The following DAAM2 variants were observed in gnomAD, a reference collection of about 807,000 sequenced individuals.
DAAM2 encodes dishevelled associated activator of morphogenesis 2, also known as disheveled-associated activator of morphogenesis 2.
A neutral mutation model predicts 120.7 loss-of-function variants in DAAM2; 39 were observed. That is an observed-to-expected ratio of 0.32 (90% confidence interval 0.25 to 0.42). The LOEUF is 0.42. Among genes scored for constraint, DAAM2 ranks in the 10% least tolerant of loss-of-function variants. DAAM2 has a pLI of 1.00. For synonymous variants in DAAM2, 488 were observed against 524.9 expected (o/e 0.93, Z 0.96); for missense variants, 1,283 against 1,401.7 (o/e 0.92, Z 1.35).
intron 5 of DAAM2, among the ~76,000 whole-genome samples, chr6:39,865,985 C>T (rs1764413985): frequency 1.3e-5 from 2 of 152,184 alleles, no homozygotes; most frequent in South Asian, 2.1e-4. Context: ...ATGCTGGGAG[C>T]ATTTACACCA....
At chr6:39,831,164 G>A (rs1056147946) in intron 1 of DAAM2, among the ~76,000 whole-genome samples, 2 of 152,152 alleles carry the variant, frequency 1.3e-5, no homozygotes, top group Non-Finnish European at 2.9e-5. Context: ...TGCGGATACA[G>A]CAATGAATGA....
intron 1 of DAAM2, chr6:39,820,477 C>T (rs1762453110): frequency 6.6e-6 from 1 of 152,200 alleles, no homozygotes; most frequent in Non-Finnish European, 1.5e-5. Context: ...TCTCCTTCCT[C>T]TTAGAGCTTC....
chr6:39,890,367 T>C (rs541883954), intron 17 of DAAM2, among the ~76,000 whole-genome samples: 1 of 152,290 alleles, frequency 6.6e-6, no homozygotes, highest in East Asian at 1.9e-4. Context: ...TTCCCCGAAC[T>C]GTGAACAACC....
At chr6:39,860,249 G>A (rs1396848976) in intron 2 of DAAM2, among the ~76,000 whole-genome samples, 2 of 152,180 alleles carry the variant, frequency 1.3e-5, no homozygotes, top group South Asian at 2.1e-4. Context: ...ATGGAGCCCC[G>A]TGCCTTCTCT....
At position 39,842,207 on chromosome 6, in the gene DAAM2, G is replaced by A. The variant is rs560793726; in HGVS notation, c.-56-14040G>A. Reference sequence around the variant, plus strand: ...TTCTCCACTCTGCCTCTCCCCACACGCTGCTGTTAGATGTCGTTCCTTTAG... The same window carrying A: ...TTCTCCACTCTGCCTCTCCCCACACACTGCTGTTAGATGTCGTTCCTTTAG... On this transcript the variant is annotated intron_variant, in intron 1 of 24. Coordinates refer to ENST00000274867, the MANE Select transcript of DAAM2 (RefSeq NM_001201427.2). Among the ~76,000 whole-genome samples, 11 of 152,270 alleles carry A rather than the reference G, an allele frequency of 7.2e-5. No individual in the cohort carries two copies. The South Asian group carries it at 1.9e-3, about 26-fold the overall frequency.
intron 1 of DAAM2, among the ~76,000 whole-genome samples, chr6:39,840,641 G>C (rs1763288324): frequency 6.6e-6 from 1 of 152,104 alleles, no homozygotes; most frequent in African/African-American, 2.4e-5. Context: ...TGCTGAATTA[G>C]TCTGAAGGAA....
At chr6:39,888,644 G>A (rs1371745001) in intron 16 of DAAM2, 35 bp from the exon 17 acceptor site, 1 of 1,597,378 alleles carries the variant, frequency 6.3e-7, no homozygotes, top group Admixed American at 1.7e-5. Context: ...GAAGGTTTGA[G>A]GGCTGTCCTG....
chr6:39,874,275 T>C (rs1371649905), intron 10 of DAAM2, among the ~76,000 whole-genome samples: 2 of 152,222 alleles, frequency 1.3e-5, no homozygotes, highest in Non-Finnish European at 2.9e-5. Context: ...TTCTGCCTCT[T>C]TGAGCTAGTG....
chr6:39,793,903 T>C (rs1761622877), intron 1 of DAAM2, among the ~76,000 whole-genome samples: 1 of 152,160 alleles, frequency 6.6e-6, no homozygotes, highest in Non-Finnish European at 1.5e-5. Context: ...CAACCTACAA[T>C]GTCTGGGTGG....
chr6:39,867,494 T>G lies in DAAM2; in HGVS notation c.429-16T>G. ...TCATATGCAAATATATGTTTGTTAATGGCTCTGATTTGTAGGTTTGTGACC... is the reference window on the plus strand; with the variant it reads ...TCATATGCAAATATATGTTTGTTAAGGGCTCTGATTTGTAGGTTTGTGACC... On this transcript the variant is annotated splice_polypyrimidine_tract_variant and intron_variant, in intron 5 of 24. Coordinates refer to ENST00000274867, the MANE Select transcript of DAAM2 (RefSeq NM_001201427.2). 1 of 1,610,664 alleles carries G rather than the reference T, an allele frequency of 6.2e-7. No homozygotes were observed. Among genetic ancestry groups the G allele is most frequent in the South Asian group, 1.1e-5 (1 of 90,988 alleles).
intron 1 of DAAM2, 131 bp from the exon 2 acceptor site, chr6:39,856,116 G>T: frequency 8.1e-7 from 1 of 1,237,408 alleles, no homozygotes; most frequent in Middle Eastern, 3.0e-4. Context: ...ACAGCGGGGT[G>T]GGTGGGGCTT....
chr6:39,868,490 A>C, intron 6 of DAAM2: 1 of 311,460 alleles, frequency 3.2e-6, no homozygotes. Context: ...TGTCCATACC[A>C]TAAATGAGCT....
chr6:39,855,297 C>T (rs116756444), intron 1 of DAAM2, among the ~76,000 whole-genome samples: 1 of 152,250 alleles, frequency 6.6e-6, no homozygotes, highest in African/African-American at 2.4e-5. Flanking sequence ...GCACCAATGA[C>T]AGGGGTAGCG....
chr6:39,800,745 A>G (rs1025776899), intron 1 of DAAM2, among the ~76,000 whole-genome samples: 9 of 152,174 alleles, frequency 5.9e-5, no homozygotes, highest in Admixed American at 4.6e-4. Context: ...CCTCTGCCGC[A>G]ATGTGGGACA....
intron 1 of DAAM2, among the ~76,000 whole-genome samples, chr6:39,805,555 TTA>T (rs1413738223): frequency 1.5e-5 from 2 of 133,680 alleles, no homozygotes; most frequent in Non-Finnish European, 3.3e-5. Context: ...TATCCTAAGG[TTA>T]TTTTTTTTTT....
rs1031144368 is a variant in DAAM2 at position 39,902,513 on chromosome 6, T to A, written c.*476T>A. 1.3e-5 allele frequency: 2 copies of A among 153,612 alleles called. No homozygotes were observed. Among genetic ancestry groups the A allele is most frequent in the African/African-American group, 4.8e-5 (2 of 41,472 alleles). The allele number at this position is 153,612 out of a possible 1,614,324, so 9.5% of individuals were successfully genotyped here. On this transcript the variant is annotated 3_prime_UTR_variant, in exon 25 of 25. Coordinates refer to ENST00000274867, the MANE Select transcript of DAAM2 (RefSeq NM_001201427.2). ...TCTCAAGGGGAGGCTCAACAGAACATTGACCTGGGGGCAAACTTTCCTCTT... is the reference window on the plus strand; with the variant it reads ...TCTCAAGGGGAGGCTCAACAGAACAATGACCTGGGGGCAAACTTTCCTCTT...
chr6:39,805,384 C>T (rs1396590401), intron 1 of DAAM2, among the ~76,000 whole-genome samples: 3 of 152,084 alleles, frequency 2.0e-5, no homozygotes, highest in Non-Finnish European at 4.4e-5. Flanking sequence ...AGAACAGTGC[C>T]TGGAACATAG....
At chr6:39,858,411 G>A (rs1339262597) in intron 2 of DAAM2, among the ~76,000 whole-genome samples, 2 of 152,190 alleles carry the variant, frequency 1.3e-5, no homozygotes, top group Non-Finnish European at 2.9e-5. Context: ...AGATTCAAGA[G>A]CTGTTTAGGA....
chr6:39,883,708 T>G, intron 14 of DAAM2: 408 of 358,752 alleles, frequency 1.1e-3, no homozygotes, highest in Middle Eastern at 2.6e-3. Context: ...GCACCCCCCA[T>G]GATTTCTAGA....
Sources: gnomAD v4.1 joint callset for allele counts (sites outside exome capture counted in the v4.1 genomes callset) on GRCh38, gnomAD v4.1.1 for gene constraint, MANE v1.5 for transcripts, NCBI Gene and HGNC (gene_info 2026-07-23, HGNC 2026-07-21) for gene names.